Variants in PCDHGB2 observed in about 807,000 individuals in gnomAD.
PCDHGB2 encodes protocadherin gamma subfamily B, 2.
A neutral mutation model predicts 59.3 loss-of-function variants in PCDHGB2; 55 were observed. The ratio of observed to expected loss-of-function variants is 0.93; its 90% confidence interval spans 0.75 to 1.16. The LOEUF (loss-of-function observed/expected upper bound fraction) is 1.16, where lower values mean the gene tolerates loss of function less well. Among genes scored for constraint, PCDHGB2 ranks in the 50% most tolerant of loss-of-function variants. The pLI is 0.00. For missense variants in PCDHGB2, 1,228 were observed against 1,198.5 expected, an observed-to-expected ratio of 1.02 and a Z score of -0.36; for synonymous variants, 516 against 512.0, an observed-to-expected ratio of 1.01 and a Z score of -0.11.
In PCDHGB2 at chr5:141,431,508, G is replaced by A. The variant is rs774545870; in HGVS notation, c.2422-63299G>A. ...TTTGCTCAGCCCGAGTACCGCGCGA[G>A]CGTTCCGGAGAATCTGGCCTTGGGC... On this transcript the variant is annotated intron_variant, in intron 1 of 3. Coordinates refer to ENST00000522605, the MANE Select transcript of PCDHGB2 (RefSeq NM_018923.3). The surrounding 1 kb of genome is among the most constrained non-coding windows in gnomAD (Gnocchi z 4.8). 12 of 1,613,914 alleles carry A rather than the reference G, an allele frequency of 7.4e-6. No individual in the cohort carries two copies. Among genetic ancestry groups the A allele is most frequent in the East Asian group, 2.2e-5 (1 of 44,904 alleles).
Position 141,486,595 on chromosome 5 carries a change from T to G in PCDHGB2, c.2422-8212T>G. ...AGAACAATCGCCCAGGGGACCTGCTTTGCTCCCTTGCAGCCTCTGACCCAG... is the reference window on the plus strand; with the variant it reads ...AGAACAATCGCCCAGGGGACCTGCTGTGCTCCCTTGCAGCCTCTGACCCAG... On this transcript the variant is annotated intron_variant, in intron 1 of 3. Coordinates refer to ENST00000522605, the MANE Select transcript of PCDHGB2 (RefSeq NM_018923.3). This position sits in a 1 kb window ranked among gnomAD's most constrained non-coding sequence, Gnocchi z 5.0. The G allele has an allele frequency of 6.2e-7, 1 of 1,613,614 alleles. No homozygotes were observed. Among genetic ancestry groups the G allele is most frequent in the Non-Finnish European group, 8.5e-7 (1 of 1,180,016 alleles).
chr5:141,415,783 A>G, intron 1 of PCDHGB2: 1 of 1,344,604 alleles, frequency 7.4e-7, no homozygotes, highest in Non-Finnish European at 9.5e-7. Context: ...ACTTTCTGGT[A>G]AAATTCACCT....
At chr5:141,506,566 T>C (rs909998933) in intron 3 of PCDHGB2, among the ~76,000 whole-genome samples, 33 of 152,022 alleles carry the variant, frequency 2.2e-4, no homozygotes, top group Non-Finnish European at 2.9e-5. Flanking sequence ...ACCCCCTCGG[T>C]TTCACTTACT....
intron 1 of PCDHGB2, among the ~76,000 whole-genome samples, chr5:141,444,372 T>C (rs967151811): frequency 6.6e-6 from 1 of 151,998 alleles, no homozygotes. Context: ...GGTTTCTCCA[T>C]GTTGGTCAGG....
intron 1 of PCDHGB2, chr5:141,427,624 C>T (rs2097051687): frequency 1.4e-6 from 1 of 698,516 alleles, no homozygotes; most frequent in South Asian, 1.5e-5. Context: ...AACGACAATG[C>T]TCCGGTTTTC....
rs780491756 is a variant in PCDHGB2 at position 141,375,972 on chromosome 5, G to A, written c.2421+13416G>A. ...CACACGGGCGAGGTGCGCACGGCGC[G>A]CGCCCTGCTGGACAGAGACGCGCTC... is the stretch of plus-strand genomic sequence containing the variant. On this transcript the variant is annotated intron_variant, in intron 1 of 3. Transcript: ENST00000522605. 9.9e-6 allele frequency: 16 copies of A among 1,613,336 alleles called. No homozygotes were observed. In the Admixed American group the frequency reaches 1.0e-4, roughly 10 times the overall value.
Position 141,494,920 on chromosome 5 carries a change from G to A in PCDHGB2, c.2480+55G>A, listed in dbSNP as rs1329724849. The A allele has an allele frequency of 1.8e-5, 29 of 1,613,680 alleles. No individual in the cohort carries two copies. The East Asian group carries it at 6.5e-4, about 36-fold the overall frequency. On this transcript the variant is annotated intron_variant, in intron 2 of 3. Coordinates refer to ENST00000522605, the MANE Select transcript of PCDHGB2 (RefSeq NM_018923.3). ...TTCTCTGCGGCATTTTCTCAGGGAT[G>A]ACGTGGGAGGAGATGGGGGAGGGCC...
rs115453161 is a variant in PCDHGB2, at chr5:141,365,386, G to A, written c.2421+2830G>A. ...CCCCCGAAGTGATCCTCACCTCTCT[G>A]ACCAGTTCGATCTCTGAAGACTGTC... On this transcript the variant is annotated intron_variant, in intron 1 of 3. Coordinates refer to ENST00000522605, the MANE Select transcript of PCDHGB2 (RefSeq NM_018923.3). 1,074 of 1,613,934 alleles carry A rather than the reference G, an allele frequency of 6.7e-4. 8 individuals carry two copies. In the African/African-American group the frequency reaches 0.012, roughly 19 times the overall value.
intron 1 of PCDHGB2, among the ~76,000 whole-genome samples, chr5:141,382,133 T>A (rs1420684997): frequency 6.6e-6 from 1 of 152,068 alleles, no homozygotes; most frequent in Non-Finnish European, 1.5e-5. Context: ...TGGCCCCCCC[T>A]CTCATTTTTT....
chr5:141,425,483 C>A (rs1172308088), intron 1 of PCDHGB2, among the ~76,000 whole-genome samples: 2 of 152,304 alleles, frequency 1.3e-5, no homozygotes, highest in Non-Finnish European at 2.9e-5. Flanking sequence ...CTATGGCAAC[C>A]TACTAGGCTA....
Position 141,490,351 on chromosome 5 carries a change from T to C in PCDHGB2, c.2422-4456T>C. Reference sequence around the variant, plus strand: ...CACACCAGTGGGCACAGTAGTGGGGTTGTTTAATGTGCGAGACCGGGACTC... The same window carrying C: ...CACACCAGTGGGCACAGTAGTGGGGCTGTTTAATGTGCGAGACCGGGACTC... On this transcript the variant is annotated intron_variant, in intron 1 of 3. Transcript: ENST00000522605. The surrounding 1 kb of genome is among the most constrained non-coding windows in gnomAD (Gnocchi z 5.4). 6.2e-7 allele frequency: 1 copy of C among 1,614,028 alleles called. No individual in the cohort carries two copies. The highest frequency in any genetic ancestry group is 1.3e-5 in the African/African-American group (1 of 74,976).
At chr5:141,375,695 G>C (rs540188136) in intron 1 of PCDHGB2, 1 of 1,614,250 alleles carries the variant, frequency 6.2e-7, no homozygotes, top group South Asian at 1.1e-5. Context: ...CAGCGACAGC[G>C]GGGACCCGCC....
intron 1 of PCDHGB2, chr5:141,478,270 C>G (rs1347709530): frequency 5.6e-6 from 9 of 1,614,078 alleles, no homozygotes; most frequent in Non-Finnish European, 6.8e-6. Context: ...TCAAAGTTTA[C>G]AAGTGGAAGC....
chr5:141,401,830 T>C (rs950842785), intron 1 of PCDHGB2, among the ~76,000 whole-genome samples: 4 of 152,216 alleles, frequency 2.6e-5, no homozygotes, highest in Admixed American at 1.3e-4. Context: ...TGCTGAGATT[T>C]CTTATAATAC....
At chr5:141,370,913 C>T (rs1242230651) in intron 1 of PCDHGB2, 5 of 1,613,884 alleles carry the variant, frequency 3.1e-6, no homozygotes, top group African/African-American at 2.7e-5. Context: ...ACTACCTCAG[C>T]CCTGATCCGC....
Position 141,362,330 on chromosome 5 carries a change from GCT to G in PCDHGB2, c.2197_2198del (p.Ser733GlnfsTer12). On this transcript the variant is annotated frameshift_variant, in exon 1 of 4. Transcript: ENST00000522605. LOFTEE classifies it high-confidence loss of function. Reference sequence around the variant, plus strand: ...TGGGACTGTTTTCAGCCTGGTCTCAGCTCCAAGCCTGGACCTGGGGTTCTCCC... The same window carrying G: ...TGGGACTGTTTTCAGCCTGGTCTCAGCCAAGCCTGGACCTGGGGTTCTCCC... 1.2e-6 allele frequency: 2 copies of G among 1,614,068 alleles called. No homozygotes were observed. The highest frequency in any genetic ancestry group is 1.7e-6 in the Non-Finnish European group (2 of 1,179,906).
At chr5:141,442,895 A>G (rs1381559903) in intron 1 of PCDHGB2, among the ~76,000 whole-genome samples, 5 of 152,182 alleles carry the variant, frequency 3.3e-5, no homozygotes, top group African/African-American at 1.2e-4. Context: ...CCTGCTTATC[A>G]CTTCTCCTTC....
intron 1 of PCDHGB2, chr5:141,404,726 G>A (rs772532099): frequency 6.2e-7 from 1 of 1,614,094 alleles, no homozygotes; most frequent in Admixed American, 1.7e-5. Context: ...GACCAAGGTG[G>A]TGGCAGTGGA....
At position 141,485,396 on chromosome 5, in the gene PCDHGB2, T is replaced by C. The variant is rs1466959644; in HGVS notation, c.2422-9411T>C. 2.5e-6 allele frequency: 4 copies of C among 1,614,042 alleles called. No homozygotes were observed. Among genetic ancestry groups the C allele is most frequent in the Non-Finnish European group, 3.4e-6 (4 of 1,179,960 alleles). On this transcript the variant is annotated intron_variant, in intron 1 of 3. Coordinates refer to ENST00000522605, the MANE Select transcript of PCDHGB2 (RefSeq NM_018923.3). The surrounding 1 kb of genome is among the most constrained non-coding windows in gnomAD (Gnocchi z 5.7). ...CGCTGGAGAGGTGAACCAAAGACAC[T>C]TCCGTGTGGATTTGGACAGCGGAGC...
Sources: gnomAD v4.1 joint callset for allele counts (sites outside exome capture counted in the v4.1 genomes callset) on GRCh38, gnomAD v4.1.1 for gene constraint, Gnocchi (gnomAD v3.1) non-coding constraint, MANE v1.5 for transcripts, NCBI Gene and HGNC (gene_info 2026-07-23, HGNC 2026-07-21) for gene names.